Variants in THY1 observed in about 807,000 individuals in gnomAD.
THY1 encodes Thy-1 cell surface antigen.
In THY1, 10 loss-of-function variants were observed where a neutral mutation model predicts 14.9. That is an observed-to-expected ratio of 0.67 (90% confidence interval 0.41 to 1.14). The LOEUF is 1.14. THY1 is among the 50% of genes most tolerant of loss of function. The pLI is 0.00. For missense variants in THY1, 159 were observed against 202.1 expected, an observed-to-expected ratio of 0.79 and a Z score of 1.29; for synonymous variants, 80 against 90.0, an observed-to-expected ratio of 0.89 and a Z score of 0.63.
rs1861788094 is a variant in THY1, at chr11:119,416,911, C to T, written c.*2497G>A. ...CCCTAAACATGGCTGCAGAGGGCAA[C>T]ACCATCTCCCAGCACCCTTCTAAGA... On this transcript the variant is annotated 3_prime_UTR_variant, in exon 4 of 4. Coordinates refer to ENST00000284240, the MANE Select transcript of THY1 (RefSeq NM_006288.5). Among the ~76,000 whole-genome samples, 1 of 152,208 alleles carries T rather than the reference C, an allele frequency of 6.6e-6. No individual in the cohort carries two copies. The highest frequency in any genetic ancestry group is 6.5e-5 in the Admixed American group (1 of 15,272).
chr11:119,421,559 A>C (rs373712616), intron 1 of THY1: 1 of 152,212 alleles, frequency 6.6e-6, no homozygotes, highest in Non-Finnish European at 1.5e-5. Flanking sequence ...TACACTCCAA[A>C]GATATTTATT....
rs551221908 is a variant in THY1 at position 119,420,372 on chromosome 11, G to T, written c.52C>A (p.Arg18=). ...GTTAGGCTGGTCACCTTCTGCCCTCGGGAGACCTGCAAGACTGGCACCAGC... is the reference window on the plus strand; with the variant it reads ...GTTAGGCTGGTCACCTTCTGCCCTCTGGAGACCTGCAAGACTGGCACCAGC... ...ALLLTVLQVS[R]GQKVTSLTAC... Residue 18 remains arginine (R), a synonymous_variant, in exon 3 of 4, where the codon CGA becomes AGA. Coordinates refer to ENST00000284240, the MANE Select transcript of THY1 (RefSeq NM_006288.5). The T allele has an allele frequency of 7.4e-6, 12 of 1,611,190 alleles. No homozygotes were observed. In the South Asian group the frequency reaches 8.8e-5, roughly 12 times the overall value.
rs562973938 is a variant in THY1 at position 119,422,329 on chromosome 11, G to C, written c.-25+784C>G. On this transcript the variant is annotated intron_variant, in intron 1 of 3. Coordinates refer to ENST00000284240, the MANE Select transcript of THY1 (RefSeq NM_006288.5). The surrounding 1 kb of genome is among the most constrained non-coding windows in gnomAD (Gnocchi z 7.0). ...CGGGCTTGGGATCTAGGAGGGGAAG[G>C]GGGAGCAATGGCCAGAGCAAGAAAG... 1 of 152,436 alleles carries C rather than the reference G, an allele frequency of 6.6e-6. No individual in the cohort carries two copies. Among genetic ancestry groups the C allele is most frequent in the Admixed American group, 6.5e-5 (1 of 15,282 alleles). 9.4% of individuals were successfully genotyped at this position (152,436 alleles called of 1,614,324 possible).
chr11:119,423,323 T>C (rs944273077), upstream of THY1: 3 of 391,750 alleles, frequency 7.7e-6, no homozygotes, highest in South Asian at 1.9e-5. Context: ...CGGTCCCGCA[T>C]TGGTGTGAGA....
chr11:119,423,015 G>A, intron 1 of THY1, 98 bp downstream of exon 1: 1 of 455,734 alleles, frequency 2.2e-6, no homozygotes, highest in Non-Finnish European at 4.4e-6. Flanking sequence ...TTCCCTGGGC[G>A]CCCTCGGACC....
At chr11:119,420,747 G>T in intron 2 of THY1, 122 bp downstream of exon 2, 2 of 1,244,350 alleles carry the variant, frequency 1.6e-6, no homozygotes, top group Non-Finnish European at 2.3e-6. Flanking sequence ...GCTGACTTCA[G>T]GATGAAAAAG....
At position 119,415,496 on chromosome 11, in the gene THY1, C is replaced by G. The variant is rs1861756666; in HGVS notation, c.*3912G>C. Reference sequence around the variant, plus strand: ...CCATGTTCTCACCAAATTCAGGAAACTGCTTTATTGCAAACTTGACAGGTG... The same window carrying G: ...CCATGTTCTCACCAAATTCAGGAAAGTGCTTTATTGCAAACTTGACAGGTG... On this transcript the variant is annotated 3_prime_UTR_variant, in exon 4 of 4. Transcript: ENST00000284240. 6.6e-6 allele frequency among the ~76,000 whole-genome samples: 1 copy of G among 152,186 alleles called. No individual in the cohort carries two copies. The highest frequency in any genetic ancestry group is 1.5e-5 in the Non-Finnish European group (1 of 68,034).
At position 119,415,558 on chromosome 11, in the gene THY1, G is replaced by A. The variant is rs76276606; in HGVS notation, c.*3850C>T. Among the ~76,000 whole-genome samples, 4,622 of 152,248 alleles carry A rather than the reference G, an allele frequency of 0.03. 122 individuals carry two copies. The highest frequency in any genetic ancestry group is 0.039 in the Non-Finnish European group (2,660 of 67,998). ...GCCACGCCACTGCCAGGCACTCCCC[G>A]CCTGCACTGCTGGGCACCTCCAGCC... On this transcript the variant is annotated 3_prime_UTR_variant, in exon 4 of 4. Coordinates refer to ENST00000284240, the MANE Select transcript of THY1 (RefSeq NM_006288.5).
Position 119,422,851 on chromosome 11 carries a change from G to A in THY1, c.-25+262C>T, listed in dbSNP as rs975465633. Among the ~76,000 whole-genome samples the A allele has an allele frequency of 2.6e-5, 4 of 152,118 alleles. No individual in the cohort carries two copies. The highest frequency in any genetic ancestry group is 5.9e-5 in the Non-Finnish European group (4 of 68,014). On this transcript the variant is annotated intron_variant, in intron 1 of 3. Transcript: ENST00000284240. The surrounding 1 kb of genome is among the most constrained non-coding windows in gnomAD (Gnocchi z 7.0). Reference sequence around the variant, plus strand: ...GTGCCCTTCCTCCCTGTTCTCCAGCGCCCCAGCCCCAGACACCAGTCCCCC... The same window carrying A: ...GTGCCCTTCCTCCCTGTTCTCCAGCACCCCAGCCCCAGACACCAGTCCCCC...
chr11:119,420,990 G>T, intron 1 of THY1, 61 bp from the exon 2 acceptor site: 32 of 1,539,754 alleles, frequency 2.1e-5, no homozygotes, highest in Non-Finnish European at 2.9e-5. Context: ...CAGGGCTGGG[G>T]GTCCCTGGGA....
In THY1 at chr11:119,420,129, C is replaced by T. The variant is rs1489257706; in HGVS notation, c.295G>A (p.Glu99Lys). The T allele has an allele frequency of 1.2e-6, 2 of 1,614,228 alleles. No individual in the cohort carries two copies. The highest frequency in any genetic ancestry group is 1.7e-6 in the Non-Finnish European group (2 of 1,180,048). ...LYLSAFTSKD[E>K]GTYTCALHHS... ...TGGAGTGCACACGTGTAGGTGCCCT[C>T]GTCCTTGCTAGTGAAGGCGGATAAG... Residue 99 changes from glutamate (E) to lysine (K), a missense_variant, in exon 3 of 4, where the codon GAG becomes AAG. Glu to Lys is a moderately conservative substitution (Grantham distance 56, BLOSUM62 1). Transcript: ENST00000284240.
upstream of THY1, chr11:119,423,274 A>C: frequency 3.7e-6 from 1 of 271,472 alleles, no homozygotes; most frequent in Non-Finnish European, 7.4e-6. Flanking sequence ...GGGAGAAAGG[A>C]CGGCAGGGTG....
In THY1 at chr11:119,420,907, G is replaced by A; in HGVS notation, c.-2C>T. The A allele has an allele frequency of 3.7e-6, 6 of 1,614,150 alleles. No individual in the cohort carries two copies. The highest frequency in any genetic ancestry group is 5.1e-6 in the Non-Finnish European group (6 of 1,180,002). On this transcript the variant is annotated 5_prime_UTR_variant, in exon 2 of 4. Transcript: ENST00000284240. ...AGCGATGCTGATGGCCAGGTTCATG[G>A]TTCTGGGATCTCAGTCCTGGATCTG...
rs540548854 is a variant in THY1, at chr11:119,422,207, C to G, written c.-25+906G>C. The G allele has an allele frequency of 6.6e-6, 1 of 152,488 alleles. No homozygotes were observed. The highest frequency in any genetic ancestry group is 2.4e-5 in the African/African-American group (1 of 41,602). The allele number at this position is 152,488 out of a possible 1,614,324, so 9.4% of individuals were successfully genotyped here. On this transcript the variant is annotated intron_variant, in intron 1 of 3. Transcript: ENST00000284240. This position sits in a 1 kb window ranked among gnomAD's most constrained non-coding sequence, Gnocchi z 7.0. ...GCTGCAGCTACAATCAATGCTCTCT[C>G]TGTCCCGGGGTGGAGCTGCTGCCCT...
rs117867435 is a variant in THY1, at chr11:119,416,204, C to T, written c.*3204G>A. On this transcript the variant is annotated 3_prime_UTR_variant, in exon 4 of 4. Coordinates refer to ENST00000284240, the MANE Select transcript of THY1 (RefSeq NM_006288.5). ...CTGTTGCTCTTGAGCGGGAATTCCA[C>T]GGCCCTAGGTATGGACTTAGGTGCT... is the stretch of plus-strand genomic sequence containing the variant. Among the ~76,000 whole-genome samples, 132 of 152,170 alleles carry T rather than the reference C, an allele frequency of 8.7e-4. 1 individual carries two copies. The highest frequency in any genetic ancestry group is 3.4e-3 in the Middle Eastern group (1 of 294).
At chr11:119,419,634 G>A in intron 3 of THY1, 114 bp from the exon 4 acceptor site, 1 of 786,758 alleles carries the variant, frequency 1.3e-6, no homozygotes, top group South Asian at 1.6e-5. Flanking sequence ...GTACTGCAAT[G>A]TCTTAGCTGG....
upstream of THY1, chr11:119,423,297 G>T: frequency 5.7e-6 from 2 of 347,892 alleles, no homozygotes; most frequent in Non-Finnish European, 1.1e-5. Flanking sequence ...GTGGGGGGTG[G>T]GGAAGGAAGA....
upstream of THY1, chr11:119,423,264 G>C: frequency 2.4e-6 from 1 of 418,282 alleles, no homozygotes; most frequent in Non-Finnish European, 4.8e-6. Flanking sequence ...CGGAGATTGG[G>C]GGAGAAAGGA....
rs1201164598 is a variant in THY1 at position 119,422,221 on chromosome 11, A to C, written c.-25+892T>G. On this transcript the variant is annotated intron_variant, in intron 1 of 3. Transcript: ENST00000284240. The surrounding 1 kb of genome is among the most constrained non-coding windows in gnomAD (Gnocchi z 7.0). ...CAATGCTCTCTCTGTCCCGGGGTGG[A>C]GCTGCTGCCCTGAGCCAGATCCAGG... The C allele has an allele frequency of 1.3e-5, 2 of 152,314 alleles. No homozygotes were observed. The highest frequency in any genetic ancestry group is 2.4e-5 in the African/African-American group (1 of 41,442). The allele number at this position is 152,314 out of a possible 1,614,324, so 9.4% of individuals were successfully genotyped here. A position where few individuals can be genotyped will look rare whatever the true frequency, so the allele number is the denominator to read the frequency against.
Sources: gnomAD v4.1 joint callset for allele counts (sites outside exome capture counted in the v4.1 genomes callset) on GRCh38, gnomAD v4.1.1 for gene constraint, Gnocchi (gnomAD v3.1) non-coding constraint, MANE v1.5 for transcripts, NCBI Gene and HGNC (gene_info 2026-07-23, HGNC 2026-07-21) for gene names.